Variants in HIPK2 observed in about 807,000 individuals in gnomAD.
The protein encoded by HIPK2 is homeodomain-interacting protein kinase 2.
In HIPK2, 27 loss-of-function variants were observed where a neutral mutation model predicts 113.7. The observed-to-expected ratio is 0.24, with a 90% CI of 0.17 to 0.33. HIPK2 has a LOEUF of 0.33. HIPK2 is among the 10% of genes least tolerant of loss of function. The pLI, the probability that HIPK2 is intolerant of heterozygous loss-of-function variation, is 1.00. For missense variants in HIPK2, 1,257 were observed against 1,588.0 expected (o/e 0.79, Z 3.54); for synonymous variants, 631 against 642.2 (o/e 0.98, Z 0.26).
chr7:139,709,416 C>T (rs746602996), intron 2 of HIPK2, among the ~76,000 whole-genome samples: 24 of 152,178 alleles, frequency 1.6e-4, no homozygotes, highest in Non-Finnish European at 3.4e-4. Flanking sequence ...TTTGAAATGA[C>T]TTATATTTAT....
rs1413054241 is a variant in HIPK2 at position 139,563,738 on chromosome 7, A to G, written c.*9189T>C. ...ATTTCCACCAAAAGACTGTCCTAAG[A>G]ACACGCTGTCAATACAGTTCACAGG... On this transcript the variant is annotated 3_prime_UTR_variant, in exon 15 of 15. Transcript: ENST00000406875. 2.5e-6 allele frequency: 1 copy of G among 398,106 alleles called. No individual in the cohort carries two copies. The highest frequency in any genetic ancestry group is 4.4e-5 in the Admixed American group (1 of 22,712). The allele number at this position is 398,106 out of a possible 1,614,324, so 24.7% of individuals were successfully genotyped here.
In HIPK2 at chr7:139,575,183, C is replaced by T. The variant is rs373403455; in HGVS notation, c.3071G>A (p.Arg1024Gln). The T allele has an allele frequency of 1.2e-5, 19 of 1,591,398 alleles. No individual in the cohort carries two copies. Among genetic ancestry groups the T allele is most frequent in the African/African-American group, 4.0e-5 (3 of 74,592 alleles). Residue 1024 changes from arginine to glutamine, a missense_variant, in exon 14 of 15, where the codon CGG becomes CAG. Around this residue, in one of 5 missense-constraint regions of HIPK2, gnomAD observed 862 missense variants for 1,004.3 expected, o/e 0.86. Coordinates refer to ENST00000406875, the MANE Select transcript of HIPK2 (RefSeq NM_022740.5). ...GAAGTGGGGGCCCGGCCGCTGCTGCCGGTAGGTGATGGCTCCAGATGAGCT... is the reference window on the plus strand; with the variant it reads ...GAAGTGGGGGCCCGGCCGCTGCTGCTGGTAGGTGATGGCTCCAGATGAGCT... ...SGSSSGAITY[R>Q]QQRPGPHFQQ...
In HIPK2 at chr7:139,614,303, C is replaced by A. The variant is rs1799943433; in HGVS notation, c.1973G>T (p.Cys658Phe). The A allele has an allele frequency of 3.3e-6, 5 of 1,519,458 alleles. No individual in the cohort carries two copies. The highest frequency in any genetic ancestry group is 1.9e-5 in the Admixed American group (1 of 52,836). The allele number at this position is 1,519,458 out of a possible 1,614,324, so 94.1% of individuals were successfully genotyped here. ...AATCTTACCTTGGAAGCCGGGGGGA[C>A]ACACGATGAGAGCTTGCTGGAACGG... The part of the protein sequence containing the change: ...PDPFQQALIV[C>F]PPGFQGLQAS... The change falls in exon 8 of 15, where the codon TGT becomes TTT. Residue 658 changes from cysteine to phenylalanine, a missense_variant. Coordinates refer to ENST00000406875, the MANE Select transcript of HIPK2 (RefSeq NM_022740.5).
rs1433040487 is a variant in HIPK2 at position 139,626,785 on chromosome 7, C to T, written c.1435G>A (p.Val479Met). The T allele has an allele frequency of 7.4e-6, 12 of 1,613,960 alleles. No homozygotes were observed. The highest frequency in any genetic ancestry group is 1.0e-5 in the Non-Finnish European group (12 of 1,179,856). Residue 479 changes from valine (V) to methionine (M), a missense_variant and splice_region_variant, in exon 6 of 15, where the codon GTG (valine) becomes ATG (methionine). Around this residue, in one of 5 missense-constraint regions of HIPK2, gnomAD observed 862 missense variants for 1,004.3 expected, o/e 0.86. Transcript: ENST00000406875. ...CCTTCCAAATCTGTCGTCATGTTCA[C>T]CTGGACGCAAGTAAGGACAGGTTAC... ...IFNCLDDMAQVNMTTDLEGSD... is the reference protein window; with the variant it reads ...IFNCLDDMAQMNMTTDLEGSD...
At chr7:139,735,614 G>A (rs1345195181) in intron 1 of HIPK2, among the ~76,000 whole-genome samples, 1 of 152,190 alleles carries the variant, frequency 6.6e-6, no homozygotes, top group Non-Finnish European at 1.5e-5. Flanking sequence ...AGGACGAGAT[G>A]GGCCAAGGGG....
At chr7:139,777,492 T>G (rs1399540568) in intron 1 of HIPK2, 113 bp downstream of exon 1, 20 of 282,276 alleles carry the variant, frequency 7.1e-5, no homozygotes, top group Non-Finnish European at 9.6e-5. Context: ...GGGCCCCGGG[T>G]GGGGGCTGGG....
At position 139,729,081 on chromosome 7, in the gene HIPK2, T is replaced by C. The variant is rs530599824; in HGVS notation, c.20-12066A>G. Among the ~76,000 whole-genome samples the C allele has an allele frequency of 3.9e-5, 6 of 152,256 alleles. No homozygotes were observed. In the South Asian group the frequency reaches 1.0e-3, roughly 26 times the overall value. ...GCTCACACCTGTAATTCCAATGCTTTGGGAGGCCGCGATGGGTGGACTGCT... is the reference window on the plus strand; with the variant it reads ...GCTCACACCTGTAATTCCAATGCTTCGGGAGGCCGCGATGGGTGGACTGCT... On this transcript the variant is annotated intron_variant, in intron 1 of 14. Transcript: ENST00000406875.
chr7:139,643,381 TACACACAC>T (rs61058916), intron 2 of HIPK2, among the ~76,000 whole-genome samples: 10 of 148,330 alleles, frequency 6.7e-5, no homozygotes, highest in South Asian at 6.5e-4. Flanking sequence ...ATGTACTAAA[TACACACAC>T]ACACACACAC....
chr7:139,698,184 T>G (rs929168589), intron 2 of HIPK2, among the ~76,000 whole-genome samples: 2 of 152,238 alleles, frequency 1.3e-5, no homozygotes, highest in Non-Finnish European at 2.9e-5. Flanking sequence ...GATTTTTCTA[T>G]GCTGGGTATT....
Position 139,579,364 on chromosome 7 carries a change from T to C in HIPK2, c.2966-4076A>G, listed in dbSNP as rs1798593329. Among the ~76,000 whole-genome samples, 3 of 152,224 alleles carry C rather than the reference T, an allele frequency of 2.0e-5. No homozygotes were observed. The South Asian group carries it at 6.2e-4, about 31-fold the overall frequency. ...CATCTTAGGTGAACTGGAAGGCTCA[T>C]ACTGTCTCAATGAAGTATCCTATGG... On this transcript the variant is annotated intron_variant, in intron 13 of 14. Coordinates refer to ENST00000406875, the MANE Select transcript of HIPK2 (RefSeq NM_022740.5).
intron 6 of HIPK2, among the ~76,000 whole-genome samples, chr7:139,620,948 T>C (rs1325421732): frequency 2.0e-5 from 3 of 152,126 alleles, no homozygotes; most frequent in South Asian, 2.1e-4. Flanking sequence ...GAACATTAAC[T>C]AGTCACTTAT....
intron 1 of HIPK2, among the ~76,000 whole-genome samples, chr7:139,761,930 G>GA (rs1473187728): frequency 6.6e-6 from 1 of 151,986 alleles, no homozygotes; most frequent in Admixed American, 6.6e-5. Flanking sequence ...GGTCATTTCT[G>GA]GACAGAGACA....
chr7:139,614,568 A>T, intron 7 of HIPK2, 75 bp from the exon 8 acceptor site: 1 of 956,022 alleles, frequency 1.0e-6, no homozygotes, highest in Non-Finnish European at 1.4e-6. Flanking sequence ...GGGAGACACG[A>T]ATCTAAATCA....
chr7:139,746,040 C>T (rs982275699), intron 1 of HIPK2, among the ~76,000 whole-genome samples: 4 of 152,292 alleles, frequency 2.6e-5, no homozygotes, highest in Admixed American at 6.5e-5. Flanking sequence ...ACTCTTTGCA[C>T]GCATCCTGCT....
chr7:139,634,239 G>A (rs10239069), intron 2 of HIPK2, among the ~76,000 whole-genome samples: 16,570 of 152,126 alleles, frequency 0.11, 998 homozygotes, highest in Middle Eastern at 0.14. Flanking sequence ...GCTGGGGGCT[G>A]GAGTGAGTTG....
chr7:139,600,545 T>G lies in HIPK2; in HGVS notation c.2307A>C (p.Ala769=), dbSNP rs758665634. The change falls in exon 11 of 15, where the codon GCA becomes GCC. Residue 769 remains alanine, a synonymous_variant. Coordinates refer to ENST00000406875, the MANE Select transcript of HIPK2 (RefSeq NM_022740.5). The part of the protein sequence containing the change: ...SHYNPIMQQP[A]LLTGHVTLPA... ...GAAGGGTCACATGACCGGTCAATAG[T>G]GCAGGCTGCTGCATGATGGGATTAT... is the stretch of plus-strand genomic sequence containing the variant. 8.7e-6 allele frequency: 14 copies of G among 1,614,012 alleles called. No individual in the cohort carries two copies. The highest frequency in any genetic ancestry group is 1.2e-5 in the Non-Finnish European group (14 of 1,179,890).
intron 1 of HIPK2, among the ~76,000 whole-genome samples, chr7:139,769,241 C>T (rs1472041508): frequency 1.3e-5 from 2 of 151,832 alleles, no homozygotes; most frequent in African/African-American, 2.4e-5. Flanking sequence ...TGCCCCAACT[C>T]CACGGCCGCA....
intron 2 of HIPK2, among the ~76,000 whole-genome samples, chr7:139,697,732 GT>G (rs1794603611): frequency 6.6e-6 from 1 of 152,084 alleles, no homozygotes; most frequent in East Asian, 1.9e-4. Context: ...CACTCATAAC[GT>G]TGTACAAACC....
At chr7:139,712,589 C>T (rs750921777) in intron 2 of HIPK2, among the ~76,000 whole-genome samples, 5 of 152,228 alleles carry the variant, frequency 3.3e-5, no homozygotes, top group Non-Finnish European at 5.9e-5. Context: ...CCAGCCCAGG[C>T]GGCTCAAACA....
Sources: allele counts gnomAD v4.1 joint callset (sites outside exome capture counted in the v4.1 genomes callset), GRCh38; gene constraint gnomAD v4.1.1; regional missense constraint gnomAD v4.1.1; transcripts MANE v1.5; gene names NCBI Gene and HGNC (gene_info 2026-07-23, HGNC 2026-07-21).